The following MICU2 variants were observed in gnomAD, a reference collection of about 807,000 sequenced individuals.
MICU2 encodes calcium uptake protein 2, mitochondrial.
In MICU2, 64 loss-of-function variants were observed where a neutral mutation model predicts 60.4. The observed-to-expected ratio is 1.06, with a 90% CI of 0.87 to 1.31. The LOEUF is 1.31. Ranked by LOEUF, MICU2 falls within the 50% of genes most tolerant of loss-of-function variation. The pLI, the probability that MICU2 is intolerant of heterozygous loss-of-function variation, is 0.00. For synonymous variants in MICU2, 201 were observed against 175.0 expected, an observed-to-expected ratio of 1.15 and a Z score of -1.17; for missense variants, 569 against 531.0, an observed-to-expected ratio of 1.07 and a Z score of -0.70.
intron 2 of MICU2, among the ~76,000 whole-genome samples, chr13:21,553,842 T>C (rs1887634032): frequency 6.6e-6 from 1 of 151,910 alleles, no homozygotes; most frequent in South Asian, 2.1e-4. Context: ...GGAAGATCTA[T>C]CAAGCAAATG....
intron 2 of MICU2, among the ~76,000 whole-genome samples, chr13:21,554,150 G>A (rs1388486109): frequency 5.3e-5 from 8 of 151,958 alleles, no homozygotes; most frequent in Non-Finnish European, 1.0e-4. Flanking sequence ...AAGGATATCC[G>A]GGAATTGAAC....
intron 9 of MICU2, among the ~76,000 whole-genome samples, chr13:21,497,365 AAAAC>A (rs749812017): frequency 6.6e-6 from 1 of 152,080 alleles, no homozygotes; most frequent in South Asian, 2.1e-4. Context: ...ACTCTGTGTA[AAAAC>A]AAACAAATAA....
chr13:21,569,723 T>C (rs769245831), intron 1 of MICU2, among the ~76,000 whole-genome samples: 3 of 151,546 alleles, frequency 2.0e-5, no homozygotes, highest in Admixed American at 6.6e-5. Flanking sequence ...ATGTAGTATA[T>C]GCAGAGCAGG....
intron 1 of MICU2, among the ~76,000 whole-genome samples, chr13:21,592,838 A>T (rs1888612299): frequency 1.3e-5 from 2 of 152,238 alleles, no homozygotes; most frequent in South Asian, 4.1e-4. Flanking sequence ...AAAAACTCTC[A>T]ATAAACTAGG....
At chr13:21,531,078 C>T in intron 4 of MICU2, 1 of 1,017,768 alleles carries the variant, frequency 9.8e-7, no homozygotes, top group South Asian at 1.3e-5. Context: ...TCTGTTAAGT[C>T]AATTACTTGA....
chr13:21,500,417 A>ATTT (rs10608018), intron 9 of MICU2, among the ~76,000 whole-genome samples: 35 of 124,950 alleles, frequency 2.8e-4, no homozygotes, highest in African/African-American at 1.0e-3. Flanking sequence ...ATACCTACTG[A>ATTT]TTTTTTTTTT....
At chr13:21,509,198 T>C (rs1886367310) in intron 8 of MICU2, among the ~76,000 whole-genome samples, 1 of 152,226 alleles carries the variant, frequency 6.6e-6, no homozygotes, top group African/African-American at 2.4e-5. Flanking sequence ...ATGGCATTAT[T>C]ATCATTGGGA....
chr13:21,514,935 A>G (rs1294677816), intron 6 of MICU2, among the ~76,000 whole-genome samples: 1 of 152,180 alleles, frequency 6.6e-6, no homozygotes, highest in Non-Finnish European at 1.5e-5. Context: ...TTATTACTAC[A>G]ATCTTCTACT....
chr13:21,496,545 G>T, intron 9 of MICU2: 1 of 193,142 alleles, frequency 5.2e-6, no homozygotes, highest in Non-Finnish European at 1.1e-5. Context: ...TTTTATTAGT[G>T]GACATAGCAC....
chr13:21,523,239 T>C (rs1886764846), intron 4 of MICU2, among the ~76,000 whole-genome samples: 1 of 152,166 alleles, frequency 6.6e-6, no homozygotes, highest in African/African-American at 2.4e-5. Flanking sequence ...CCTCCATAAT[T>C]GCATGAGCCA....
chr13:21,511,952 T>C (rs546694377), intron 7 of MICU2, among the ~76,000 whole-genome samples: 1 of 152,314 alleles, frequency 6.6e-6, no homozygotes, highest in South Asian at 2.1e-4. Context: ...ACAAAAGATA[T>C]CTAGATTGTT....
At chr13:21,566,009 A>C (rs531733128) in intron 2 of MICU2, among the ~76,000 whole-genome samples, 3 of 152,218 alleles carry the variant, frequency 2.0e-5, no homozygotes, top group Non-Finnish European at 4.4e-5. Flanking sequence ...ACTACTGCTT[A>C]AAGTAATCCT....
At chr13:21,508,610 C>G (rs1406252275) in intron 8 of MICU2, among the ~76,000 whole-genome samples, 2 of 152,200 alleles carry the variant, frequency 1.3e-5, no homozygotes, top group African/African-American at 4.8e-5. Flanking sequence ...AACCTTCACA[C>G]AGGTAAGTTC....
chr13:21,573,082 C>T (rs1007336349), intron 1 of MICU2, among the ~76,000 whole-genome samples: 6 of 152,012 alleles, frequency 3.9e-5, no homozygotes, highest in South Asian at 2.1e-4. Flanking sequence ...CAAAGTACTT[C>T]GTAGAATGTA....
intron 9 of MICU2, 177 bp from the exon 10 acceptor site, chr13:21,496,337 C>T (rs977902032): frequency 1.3e-5 from 7 of 550,730 alleles, no homozygotes; most frequent in Non-Finnish European, 2.2e-5. Flanking sequence ...ACACAAAGGG[C>T]ACAGTGAGAA....
chr13:21,497,168 T>C (rs1462591640), intron 9 of MICU2, among the ~76,000 whole-genome samples: 6 of 150,290 alleles, frequency 4.0e-5, no homozygotes, highest in Admixed American at 4.0e-4. Flanking sequence ...AGGTCAGCAG[T>C]TCAAGACCAG....
intron 2 of MICU2, among the ~76,000 whole-genome samples, chr13:21,558,017 T>C (rs1887749870): frequency 6.6e-6 from 1 of 152,242 alleles, no homozygotes; most frequent in East Asian, 1.9e-4. Context: ...TATTCCTGTT[T>C]CTTTGCATAT....
intron 1 of MICU2, among the ~76,000 whole-genome samples, chr13:21,577,429 A>C (rs1888250179): frequency 6.6e-6 from 1 of 151,948 alleles, no homozygotes; most frequent in Non-Finnish European, 1.5e-5. Context: ...CTGAGGGAAA[A>C]GGATCACTTC....
intron 2 of MICU2, among the ~76,000 whole-genome samples, chr13:21,557,402 G>A (rs1398562652): frequency 6.6e-6 from 1 of 152,142 alleles, no homozygotes; most frequent in African/African-American, 2.4e-5. Context: ...GGTTTTTAGA[G>A]TGCACAATGG....
Sources: allele counts gnomAD v4.1 joint callset (sites outside exome capture counted in the v4.1 genomes callset), GRCh38; gene constraint gnomAD v4.1.1; transcripts MANE v1.5; gene names NCBI Gene and HGNC (gene_info 2026-07-23, HGNC 2026-07-21).